Variants in TRPC5 observed in about 807,000 individuals in gnomAD.
The protein encoded by TRPC5 is short transient receptor potential channel 5.
A neutral mutation model predicts 56.5 loss-of-function variants in TRPC5; 9 were observed. The observed-to-expected ratio is 0.16, with a 90% CI of 0.10 to 0.28. The LOEUF (loss-of-function observed/expected upper bound fraction) is 0.28, where lower values mean the gene tolerates loss of function less well. Ranked by LOEUF, TRPC5 falls within the 10% of genes least tolerant of loss-of-function variation. The pLI is 1.00. For synonymous variants in TRPC5, 282 were observed against 278.5 expected (o/e 1.01, Z -0.13); for missense variants, 469 against 748.9 (o/e 0.63, Z 4.36).
intron 7 of TRPC5, among the ~76,000 whole-genome samples, chrX:111,810,712 T>C (rs1353630430): frequency 1.8e-5 from 2 of 111,817 alleles, no homozygotes; most frequent in African/African-American, 6.5e-5. Context: ...TAATACCTAG[T>C]TGGGAGAAAA....
chrX:111,993,724 C>A (rs755910065), intron 1 of TRPC5, among the ~76,000 whole-genome samples: 1 of 112,018 alleles, frequency 8.9e-6, no homozygotes, highest in East Asian at 2.8e-4. Context: ...CTGTTTGTAT[C>A]CTTTGCCCAC....
chrX:111,833,551 A>G (rs1051147669), intron 7 of TRPC5, among the ~76,000 whole-genome samples: 1 of 111,002 alleles, frequency 9.0e-6, no homozygotes, highest in African/African-American at 3.3e-5. Context: ...AATTCTATAG[A>G]CCCACCTGTG....
intron 2 of TRPC5, among the ~76,000 whole-genome samples, chrX:111,947,304 AC>A (rs1418187604): frequency 9.0e-6 from 1 of 111,045 alleles, no homozygotes; most frequent in Non-Finnish European, 1.9e-5. Flanking sequence ...TGGACAATTG[AC>A]CTAATCATCA....
rs369760429 is a variant in TRPC5, at chrX:112,012,158, T to C, written c.-21-59717A>G. ...TTGGGTAGACATTTGGGGATTGATA[T>C]TGTTTTCCTGGGCATCAATCATTTC... On this transcript the variant is annotated intron_variant, in intron 1 of 10. Transcript: ENST00000262839. 1.4e-4 allele frequency among the ~76,000 whole-genome samples: 16 copies of C among 111,711 alleles called. No homozygotes were observed. The East Asian group carries it at 3.4e-3, about 24-fold the overall frequency.
intron 2 of TRPC5, among the ~76,000 whole-genome samples, chrX:111,937,731 C>T (rs1481181678): frequency 1.0e-5 from 1 of 98,719 alleles, no homozygotes; most frequent in East Asian, 3.3e-4. Context: ...CAGTACCATG[C>T]TGTTTTGGTT....
chrX:111,938,914 T>A (rs147682102), intron 2 of TRPC5, among the ~76,000 whole-genome samples: 11,143 of 111,872 alleles, frequency 0.1, 543 homozygotes, highest in African/African-American at 0.19. Flanking sequence ...TTCTCTTGTC[T>A]GATAGCTCTA....
intron 1 of TRPC5, among the ~76,000 whole-genome samples, chrX:112,037,575 T>A (rs748372753): frequency 7.2e-5 from 8 of 111,613 alleles, no homozygotes; most frequent in African/African-American, 2.6e-4. Flanking sequence ...TTTTTAGCCC[T>A]CACAGTAGCT....
chrX:111,819,083 T>G (rs150900092), intron 7 of TRPC5, among the ~76,000 whole-genome samples: 27 of 111,528 alleles, frequency 2.4e-4, no homozygotes, highest in South Asian at 3.8e-4. Flanking sequence ...AGATGCCAAG[T>G]TCTTAACCAC....
intron 7 of TRPC5, among the ~76,000 whole-genome samples, chrX:111,815,365 C>T (rs745906910): frequency 9.9e-5 from 11 of 111,223 alleles, no homozygotes. Context: ...AAGCTTCTTT[C>T]GATGATTTTG....
intron 1 of TRPC5, among the ~76,000 whole-genome samples, chrX:112,047,659 C>T (rs1930083774): frequency 8.9e-6 from 1 of 112,018 alleles, no homozygotes; most frequent in South Asian, 3.7e-4. Context: ...TCCTTTCATC[C>T]TCCAGCAGAA....
At chrX:111,829,862 G>A (rs1224898753) in intron 7 of TRPC5, among the ~76,000 whole-genome samples, 1 of 113,276 alleles carries the variant, frequency 8.8e-6, no homozygotes. Context: ...AATGTGGGGT[G>A]GGAGTCCCCA....
At chrX:112,038,847 ATTT>A (rs750713100) in intron 1 of TRPC5, among the ~76,000 whole-genome samples, 1 of 88,273 alleles carries the variant, frequency 1.1e-5, no homozygotes, top group Non-Finnish European at 2.2e-5. Context: ...ATGCCCGGCT[ATTT>A]TTTTTTTTTT....
chrX:111,990,977 T>C (rs1415312928), intron 1 of TRPC5, among the ~76,000 whole-genome samples: 2 of 112,437 alleles, frequency 1.8e-5, no homozygotes, highest in Non-Finnish European at 3.8e-5. Context: ...CAAGGGCTTG[T>C]CTGAAATTAA....
At chrX:111,902,130 A>G (rs1925381397) in intron 3 of TRPC5, 1 of 1,152,173 alleles carries the variant, frequency 8.7e-7, no homozygotes, top group East Asian at 3.3e-5. Context: ...TTAGACATGG[A>G]TAACTTATAT....
At chrX:111,914,395 C>T (rs1159100245) in intron 2 of TRPC5, among the ~76,000 whole-genome samples, 1 of 111,717 alleles carries the variant, frequency 9.0e-6, no homozygotes, top group Non-Finnish European at 1.9e-5. Flanking sequence ...AAAAATAAAA[C>T]AACAACCCAC....
At chrX:111,875,572 CTTTTTTT>C (rs771241425) in intron 3 of TRPC5, among the ~76,000 whole-genome samples, 20 of 70,463 alleles carry the variant, frequency 2.8e-4, no homozygotes, top group South Asian at 6.7e-4. Context: ...TTTTTTCTTT[CTTTTTTT>C]TTTTTTTTTT....
chrX:112,012,988 A>G (rs983374616), intron 1 of TRPC5, among the ~76,000 whole-genome samples: 3 of 111,868 alleles, frequency 2.7e-5, no homozygotes, highest in Admixed American at 9.5e-5. Context: ...TTGGTGTTAA[A>G]TAGCAGTATT....
intron 3 of TRPC5, among the ~76,000 whole-genome samples, chrX:111,906,353 T>TAA (rs67157977): frequency 2.3e-3 from 222 of 98,312 alleles, no homozygotes; most frequent in Non-Finnish European, 2.7e-3. Flanking sequence ...AAACTCTGTT[T>TAA]AAAAAAACAA....
At chrX:111,932,252 G>A (rs945549190) in intron 2 of TRPC5, among the ~76,000 whole-genome samples, 4 of 111,825 alleles carry the variant, frequency 3.6e-5, no homozygotes, top group African/African-American at 1.3e-4. Flanking sequence ...AGGGGTATCA[G>A]GAAGCTATTG....
Sources: gnomAD v4.1 joint callset for allele counts (sites outside exome capture counted in the v4.1 genomes callset) on GRCh38, gnomAD v4.1.1 for gene constraint, MANE v1.5 for transcripts, NCBI Gene and HGNC (gene_info 2026-07-23, HGNC 2026-07-21) for gene names.